COBLL1: variants seen among roughly 807,000 people sequenced by gnomAD.
COBLL1 encodes the protein cordon-bleu protein-like 1.
A neutral mutation model predicts 94.8 loss-of-function variants in COBLL1; 50 were observed. The observed-to-expected ratio is 0.53, with a 90% CI of 0.42 to 0.67. The LOEUF (loss-of-function observed/expected upper bound fraction) is 0.67. Ranked by LOEUF, COBLL1 falls within the 30% of genes least tolerant of loss-of-function variation. The pLI is 0.00. For synonymous variants in COBLL1, 448 were observed against 473.8 expected (o/e 0.95, Z 0.71); for missense variants, 1,362 against 1,348.7 (o/e 1.01, Z -0.15).
chr2:164,802,617 A>G (rs182854523), intron 2 of COBLL1, among the ~76,000 whole-genome samples: 83 of 152,368 alleles, frequency 5.4e-4, no homozygotes, highest in Admixed American at 1.6e-3. Context: ...GGGTGATCTG[A>G]TAAAGTTAGA....
chr2:164,688,000 ACAAATAAGCTACGT>A (rs1368509120), intron 13 of COBLL1, among the ~76,000 whole-genome samples: 1 of 152,210 alleles, frequency 6.6e-6, no homozygotes, highest in Non-Finnish European at 1.5e-5. Flanking sequence ...CAAATAATGA[ACAAATAAGCTACGT>A]CACATTCATA....
chr2:164,802,599 G>A (rs1271701249), intron 2 of COBLL1, among the ~76,000 whole-genome samples: 1 of 152,104 alleles, frequency 6.6e-6, no homozygotes, highest in Non-Finnish European at 1.5e-5. Flanking sequence ...TTCCAAATAA[G>A]GTCCATTGGG....
rs1683918351 is a variant in COBLL1, at chr2:164,695,852, C to A, written c.1556-16G>T. The A allele has an allele frequency of 2.0e-6, 3 of 1,523,358 alleles. No individual in the cohort carries two copies. Among genetic ancestry groups the A allele is most frequent in the African/African-American group, 1.4e-5 (1 of 71,548 alleles). 94.4% of individuals were successfully genotyped at this position (1,523,358 alleles called of 1,614,324 possible). A position where few individuals can be genotyped will look rare whatever the true frequency, so the allele number is the denominator to read the frequency against. On this transcript the variant is annotated splice_polypyrimidine_tract_variant and intron_variant, in intron 11 of 13. Coordinates refer to ENST00000652658, the MANE Select transcript of COBLL1 (RefSeq NM_001365672.2). ...TTTTGAACTACTGAGAGAAAAAAAT[C>A]ATCAAGTTAAATATATGAAAGAAGT... is the stretch of plus-strand genomic sequence containing the variant.
downstream of COBLL1, among the ~76,000 whole-genome samples, chr2:164,678,003 C>T (rs1366726567): frequency 6.6e-6 from 1 of 152,114 alleles, no homozygotes; most frequent in Non-Finnish European, 1.5e-5. Flanking sequence ...GATTTGCATT[C>T]CCTCAGTTAA....
At chr2:164,663,731 T>C (rs1166048976) in intron 2 of COBLL1, among the ~76,000 whole-genome samples, 3 of 152,182 alleles carry the variant, frequency 2.0e-5, no homozygotes, top group African/African-American at 7.2e-5. Flanking sequence ...TTTTCACTTA[T>C]AAGTGGAGCT....
chr2:164,670,399 T>A (rs1177373242), intron 1 of COBLL1, among the ~76,000 whole-genome samples: 2 of 152,226 alleles, frequency 1.3e-5, no homozygotes. Flanking sequence ...ATTTCTCTGA[T>A]AATAAGTTTT....
chr2:164,743,595 G>T, intron 3 of COBLL1, 92 bp downstream of exon 3: 2 of 1,022,050 alleles, frequency 2.0e-6, no homozygotes, highest in Non-Finnish European at 3.0e-6. Context: ...GAAGTGTTTT[G>T]TCAAAGAACA....
chr2:164,664,527 A>G (rs1215812456), intron 2 of COBLL1, among the ~76,000 whole-genome samples: 2 of 152,222 alleles, frequency 1.3e-5, no homozygotes, highest in Non-Finnish European at 2.9e-5. Context: ...CAACAGCCAC[A>G]CAAAATGAGG....
intron 2 of COBLL1, among the ~76,000 whole-genome samples, chr2:164,763,191 G>A (rs1176776097): frequency 6.6e-6 from 1 of 151,908 alleles, no homozygotes; most frequent in Non-Finnish European, 1.5e-5. Flanking sequence ...GGCATAAAGG[G>A]TCACATTTCC....
intron 5 of COBLL1, chr2:164,726,956 T>A (rs1685749303): frequency 5.4e-6 from 2 of 369,216 alleles, no homozygotes; most frequent in Non-Finnish European, 9.8e-6. Flanking sequence ...TATACATTTT[T>A]CAAGGAAATA....
chr2:164,699,967 C>T (rs1396860958), intron 10 of COBLL1, among the ~76,000 whole-genome samples: 1 of 151,922 alleles, frequency 6.6e-6, no homozygotes, highest in Admixed American at 6.6e-5. Flanking sequence ...AAACGTCTGA[C>T]ATATATGGTT....
At chr2:164,696,754 G>A (rs1433821640) in intron 11 of COBLL1, 1 of 152,224 alleles carries the variant, frequency 6.6e-6, no homozygotes, top group Non-Finnish European at 1.5e-5. Context: ...GAAGGAAACA[G>A]GGTTTGGAGT....
At chr2:164,742,605 T>C (rs182536106) in intron 3 of COBLL1, among the ~76,000 whole-genome samples, 62 of 152,210 alleles carry the variant, frequency 4.1e-4, no homozygotes, top group African/African-American at 1.5e-3. Flanking sequence ...CCAAAGTGAC[T>C]TTCAATACAA....
At chr2:164,704,790 T>C (rs1684496684) in intron 8 of COBLL1, among the ~76,000 whole-genome samples, 162 bp downstream of exon 8, 1 of 152,222 alleles carries the variant, frequency 6.6e-6, no homozygotes, top group South Asian at 2.1e-4. Flanking sequence ...TATTTGGTGA[T>C]GTTTCAGATT....
chr2:164,829,801 T>C (rs1462286675), intron 2 of COBLL1, among the ~76,000 whole-genome samples: 1 of 152,204 alleles, frequency 6.6e-6, no homozygotes, highest in East Asian at 1.9e-4. Flanking sequence ...CAGATGCATA[T>C]ACAATGAAAA....
intron 11 of COBLL1, among the ~76,000 whole-genome samples, chr2:164,699,045 C>T (rs144771078): frequency 7.9e-5 from 12 of 151,474 alleles, no homozygotes; most frequent in Admixed American, 2.0e-4. Context: ...CAAATAGATA[C>T]ACAGAAGAAA....
In COBLL1 at chr2:164,685,697, C is replaced by A. The variant is rs1013981801; in HGVS notation, c.*249G>T. The A allele has an allele frequency of 2.8e-5, 9 of 318,924 alleles. No homozygotes were observed. Among genetic ancestry groups the A allele is most frequent in the East Asian group, 1.6e-4 (3 of 19,106 alleles). The allele number at this position is 318,924 out of a possible 1,614,324, so 19.8% of individuals were successfully genotyped here. ...TTTTTCATTTGTAAAAAATGAAAAT[C>A]ATTTACACCTTGTTTTAAAGTTCTA... On this transcript the variant is annotated 3_prime_UTR_variant, in exon 14 of 14. Transcript: ENST00000652658.
intron 2 of COBLL1, among the ~76,000 whole-genome samples, chr2:164,746,806 C>T (rs1365299465): frequency 6.6e-6 from 1 of 152,074 alleles, no homozygotes; most frequent in Non-Finnish European, 1.5e-5. Context: ...ATTCCAATCT[C>T]AGGACTCTTG....
intron 7 of COBLL1, among the ~76,000 whole-genome samples, chr2:164,715,292 C>T (rs1002671400): frequency 4.6e-5 from 7 of 152,112 alleles, no homozygotes; most frequent in African/African-American, 1.7e-4. Context: ...GAAGTATAGA[C>T]AGCTGTATTC....
Sources: gnomAD v4.1 joint callset for allele counts (sites outside exome capture counted in the v4.1 genomes callset) on GRCh38, gnomAD v4.1.1 for gene constraint, MANE v1.5 for transcripts, NCBI Gene and HGNC (gene_info 2026-07-23, HGNC 2026-07-21) for gene names.